Variants in GRK4 observed in about 807,000 individuals in gnomAD.
The protein encoded by GRK4 is G protein-coupled receptor kinase 2-like.
Under a neutral mutation model 77.9 loss-of-function variants are expected in GRK4, and 73 were observed. The ratio of observed to expected loss-of-function variants is 0.94; its 90% CI spans 0.78 to 1.14. The LOEUF is 1.14. Ranked by LOEUF, GRK4 falls within the 50% of genes most tolerant of loss-of-function variation. GRK4 has a pLI of 0.00. For synonymous variants in GRK4, 257 were observed against 254.4 expected (o/e 1.01, Z -0.10); for missense variants, 729 against 700.2 (o/e 1.04, Z -0.46).
chr4:2,990,154 G>A (rs1725682312), intron 3 of GRK4, among the ~76,000 whole-genome samples: 2 of 148,754 alleles, frequency 1.3e-5, no homozygotes, highest in South Asian at 2.1e-4. Flanking sequence ...ATTTGCGGCT[G>A]TTTTGTTGTT....
At chr4:2,983,758 A>T (rs1246392042) in intron 1 of GRK4, among the ~76,000 whole-genome samples, 1 of 152,172 alleles carries the variant, frequency 6.6e-6, no homozygotes, top group Non-Finnish European at 1.5e-5. Flanking sequence ...TGCTGTGAAG[A>T]TACTACCTGA....
intron 10 of GRK4, among the ~76,000 whole-genome samples, chr4:3,023,289 G>A (rs924603845): frequency 2.6e-5 from 4 of 152,174 alleles, no homozygotes; most frequent in Non-Finnish European, 5.9e-5. Context: ...ATGCAAGGAT[G>A]GTTGCACTGC....
intron 1 of GRK4, among the ~76,000 whole-genome samples, chr4:2,975,387 C>A (rs1485996975): frequency 1.3e-5 from 2 of 152,154 alleles, no homozygotes; most frequent in African/African-American, 4.8e-5. Context: ...ACATAAAGAA[C>A]CAAATGATCT....
At chr4:2,964,333 C>T (rs893992099) in intron 1 of GRK4, among the ~76,000 whole-genome samples, 2 of 152,182 alleles carry the variant, frequency 1.3e-5, no homozygotes, top group Admixed American at 1.3e-4. Flanking sequence ...GTCCCAGTCC[C>T]CATCTCCTGG....
At chr4:3,009,613 T>A in intron 6 of GRK4, 35 bp from the exon 7 acceptor site, 1 of 1,525,080 alleles carries the variant, frequency 6.6e-7, no homozygotes, top group Non-Finnish European at 9.1e-7. Context: ...AACAATGCAA[T>A]GTGAGACCTG....
At chr4:3,031,617 C>T (rs1261126815) in intron 12 of GRK4, among the ~76,000 whole-genome samples, 4 of 152,158 alleles carry the variant, frequency 2.6e-5, no homozygotes, top group African/African-American at 9.7e-5. Flanking sequence ...CAGGGAACGG[C>T]AGGTTCAACA....
chr4:2,987,354 G>A (rs927513349), intron 2 of GRK4, among the ~76,000 whole-genome samples: 2 of 152,212 alleles, frequency 1.3e-5, no homozygotes, highest in East Asian at 3.9e-4. Context: ...AGACATTTGA[G>A]TTGTTTTCTA....
intron 1 of GRK4, among the ~76,000 whole-genome samples, chr4:2,967,526 A>G (rs890758139): frequency 6.6e-6 from 1 of 151,552 alleles, no homozygotes; most frequent in Non-Finnish European, 1.5e-5. Context: ...TCAGCCTCCC[A>G]AGTAGCTGGG....
At chr4:3,003,875 C>A (rs1173102241) in intron 4 of GRK4, among the ~76,000 whole-genome samples, 1 of 152,094 alleles carries the variant, frequency 6.6e-6, no homozygotes, top group Non-Finnish European at 1.5e-5. Flanking sequence ...TAGCTACCTA[C>A]CACGCCTGGC....
intron 7 of GRK4, among the ~76,000 whole-genome samples, chr4:3,010,465 G>A (rs1055627415): frequency 6.6e-6 from 1 of 152,176 alleles, no homozygotes; most frequent in Non-Finnish European, 1.5e-5. Context: ...GACCTCGGGT[G>A]ATCCGCCCTC....
intron 4 of GRK4, among the ~76,000 whole-genome samples, chr4:3,001,672 C>A (rs957136239): frequency 6.6e-6 from 1 of 152,082 alleles, no homozygotes; most frequent in Non-Finnish European, 1.5e-5. Context: ...CGCCCGAGAC[C>A]ATAGTTATTG....
intron 13 of GRK4, among the ~76,000 whole-genome samples, chr4:3,037,085 G>A (rs139524378): frequency 2.6e-3 from 113 of 43,244 alleles, no homozygotes; most frequent in African/African-American, 9.0e-3. Context: ...GTGTGTGTAT[G>A]TGTGTGTGTG....
intron 5 of GRK4, among the ~76,000 whole-genome samples, chr4:3,006,267 T>C (rs1307958620): frequency 6.6e-6 from 1 of 151,080 alleles, no homozygotes; most frequent in East Asian, 2.0e-4. Flanking sequence ...TAATCCCAGC[T>C]ACTCAGGAAG....
At position 3,035,409 on chromosome 4, in the gene GRK4, G is replaced by A; in HGVS notation, c.1293G>A (p.Lys431=). Residue 431 remains lysine, a synonymous_variant, in exon 13 of 16, where the codon AAG becomes AAA. Transcript: ENST00000398052. ...CRMLLTKNPS[K]RLGCRGEGAA... is the part of the protein sequence containing the mutation. ...AGTTACTCACCAAGAATCCAAGCAAGCGGCTGGGCTGCAGGGGCGAGGGAG... is the reference window on the plus strand; with the variant it reads ...AGTTACTCACCAAGAATCCAAGCAAACGGCTGGGCTGCAGGGGCGAGGGAG... 1 of 1,614,008 alleles carries A rather than the reference G, an allele frequency of 6.2e-7. No homozygotes were observed. Among genetic ancestry groups the A allele is most frequent in the South Asian group, 1.1e-5 (1 of 91,076 alleles).
intron 1 of GRK4, among the ~76,000 whole-genome samples, chr4:2,973,669 C>T (rs1053445815): frequency 6.6e-6 from 1 of 152,226 alleles, no homozygotes; most frequent in East Asian, 1.9e-4. Flanking sequence ...TTTCTCACCT[C>T]CTCCACTGCT....
At chr4:2,975,933 G>A (rs991970027) in intron 1 of GRK4, among the ~76,000 whole-genome samples, 9 of 152,200 alleles carry the variant, frequency 5.9e-5, no homozygotes, top group Non-Finnish European at 8.8e-5. Context: ...CATGCTGAAA[G>A]TTGTTTGACC....
At chr4:3,016,049 C>T (rs1734392823) in intron 8 of GRK4, among the ~76,000 whole-genome samples, 1 of 151,240 alleles carries the variant, frequency 6.6e-6, no homozygotes, top group South Asian at 2.1e-4. Context: ...GCTGGTTTTA[C>T]AGGTGCCCAC....
At chr4:3,026,219 C>A (rs1560486037) in intron 10 of GRK4, among the ~76,000 whole-genome samples, 1 of 152,218 alleles carries the variant, frequency 6.6e-6, no homozygotes, top group Non-Finnish European at 1.5e-5. Context: ...TGCATTCCCA[C>A]CAGCAGTGCA....
intron 2 of GRK4, chr4:2,987,237 T>C: frequency 2.3e-6 from 1 of 437,996 alleles, no homozygotes; most frequent in Non-Finnish European, 4.5e-6. Context: ...GTGACAGGCT[T>C]TTTTTACGTA....
Sources: gnomAD v4.1 joint callset for allele counts (sites outside exome capture counted in the v4.1 genomes callset) on GRCh38, gnomAD v4.1.1 for gene constraint, MANE v1.5 for transcripts, NCBI Gene and HGNC (gene_info 2026-07-23, HGNC 2026-07-21) for gene names.